OTOA: variants seen among roughly 807,000 people sequenced by gnomAD.
OTOA encodes the protein cancer/testis antigen 108.
Under a neutral mutation model 110.8 loss-of-function variants are expected in OTOA, and 70 were observed. The observed-to-expected ratio is 0.63, with a 90% CI of 0.52 to 0.77. The LOEUF (loss-of-function observed/expected upper bound fraction) is 0.77. OTOA is among the 30% of genes least tolerant of loss of function. The probability of loss-of-function intolerance (pLI) is 0.00; values close to 1 mark genes in which losing one functional copy is unlikely to be tolerated. For synonymous variants in OTOA, 373 were observed against 431.5 expected (o/e 0.86, Z 1.68); for missense variants, 917 against 1,075.8 (o/e 0.85, Z 2.06).
At chr16:21,699,372 A>G (rs1443872308) in intron 10 of OTOA, among the ~76,000 whole-genome samples, 1 of 152,210 alleles carries the variant, frequency 6.6e-6, no homozygotes, top group African/African-American at 2.4e-5. Flanking sequence ...GCCGTGGCCC[A>G]TGCCAGTAAT....
chr16:21,759,625 A>C (rs891023711), intron 28 of OTOA, among the ~76,000 whole-genome samples: 1 of 152,062 alleles, frequency 6.6e-6, no homozygotes, highest in African/African-American at 2.4e-5. Context: ...TGTTGGTCGG[A>C]TGTGGCAGCT....
intron 5 of OTOA, among the ~76,000 whole-genome samples, chr16:21,680,921 G>A (rs1025181223): frequency 6.6e-5 from 10 of 151,432 alleles, no homozygotes; most frequent in East Asian, 1.9e-4. Context: ...ACAGTCTTAC[G>A]CAATTTTCAT....
At chr16:21,692,934 A>AC (rs1555497698) in intron 9 of OTOA, among the ~76,000 whole-genome samples, 1 of 149,772 alleles carries the variant, frequency 6.7e-6, no homozygotes, top group Non-Finnish European at 1.5e-5. Context: ...TCTCAAAAAA[A>AC]AAAAAAAAAA....
chr16:21,726,610 A>C lies in OTOA; in HGVS notation c.1968A>C (p.Leu656Phe), dbSNP rs1303236898. ...LGKSWLDSLV[L>F]DSHKKTSVLR... ...AGAGCTGGTTGGACTCCTTGGTTTT[A>C]GATTCCCACAAAAAGACTTCAGTCC... The change falls in exon 19 of 29, where the codon TTA becomes TTC. Residue 656 changes from leucine to phenylalanine, a missense_variant. Around this residue, in one of 6 missense-constraint regions of OTOA, gnomAD observed 840 missense variants for 910.2 expected, o/e 0.92. Coordinates refer to ENST00000646100, the MANE Select transcript of OTOA (RefSeq NM_144672.4). The C allele has an allele frequency of 1.2e-6, 2 of 1,613,990 alleles. No homozygotes were observed. The highest frequency in any genetic ancestry group is 1.7e-6 in the Non-Finnish European group (2 of 1,179,988).
rs772216591 is a variant in OTOA at position 21,715,105 on chromosome 16, T to C, written c.1441T>C (p.Tyr481His). The change falls in exon 14 of 29, where the codon TAT becomes CAT. Residue 481 changes from tyrosine (Y) to histidine (H), a missense_variant. Tyr to His is a moderately conservative substitution (Grantham distance 83, BLOSUM62 2). This residue lies in a region of OTOA where 840 missense variants were observed against 910.2 expected (regional missense o/e 0.92). Transcript: ENST00000646100. ...GGTCCTGAGAAGTGCCGTCTCCCAG[T>C]ATGTATCCGACTTGTCACCTGCCCA... Reference protein sequence around the residue: ...SQVLRSAVSQYVSDLSPAQQQ... With the variant: ...SQVLRSAVSQHVSDLSPAQQQ... 5 of 1,614,060 alleles carry C rather than the reference T, an allele frequency of 3.1e-6. No homozygotes were observed. The Admixed American group carries it at 6.7e-5, about 22-fold the overall frequency.
intron 9 of OTOA, among the ~76,000 whole-genome samples, chr16:21,695,891 A>ATATATATATATATATTTTTTT (rs569493650): frequency 2.4e-5 from 1 of 41,904 alleles, no homozygotes; most frequent in African/African-American, 1.5e-4. Context: ...ATATATATAT[A>ATATATATATATATATTTTTTT]TTTTTTTTTT....
chr16:21,697,938 T>C (rs1166842360), intron 10 of OTOA, 63 bp downstream of exon 10: 3 of 1,385,148 alleles, frequency 2.2e-6, no homozygotes. Context: ...AGGTGTATTC[T>C]CAAACTCTAA....
chr16:21,709,813 T>C (rs1898299191), intron 12 of OTOA, 75 bp from the exon 13 acceptor site: 3 of 1,314,618 alleles, frequency 2.3e-6, no homozygotes, highest in East Asian at 2.3e-5. Context: ...GGAGTCCTAA[T>C]AGCCCTGGAT....
intron 23 of OTOA, among the ~76,000 whole-genome samples, chr16:21,743,651 TAA>T (rs1396011837): frequency 6.1e-5 from 9 of 148,550 alleles, no homozygotes; most frequent in Admixed American, 3.4e-4. Context: ...TAAATGGTGA[TAA>T]GTCTTTATAC....
chr16:21,681,496 T>C (rs956755085), intron 5 of OTOA, among the ~76,000 whole-genome samples: 4 of 151,782 alleles, frequency 2.6e-5, no homozygotes, highest in Non-Finnish European at 5.9e-5. Context: ...GGTTGGAAGA[T>C]CACTTGGGCT....
chr16:21,667,490 T>G (rs1444495539), intron 1 of OTOA, among the ~76,000 whole-genome samples: 1 of 151,524 alleles, frequency 6.6e-6, no homozygotes, highest in Admixed American at 6.6e-5. Flanking sequence ...CTGTCTCTAC[T>G]AAAAATACAA....
At chr16:21,705,507 A>G (rs1898145621) in intron 12 of OTOA, 6 of 713,330 alleles carry the variant, frequency 8.4e-6, no homozygotes, top group Non-Finnish European at 1.1e-5. Flanking sequence ...GGAGATCAAA[A>G]TTTAATCAGA....
chr16:21,674,443 C>A (rs879469307), intron 1 of OTOA, among the ~76,000 whole-genome samples: 16 of 152,132 alleles, frequency 1.1e-4, no homozygotes, highest in South Asian at 2.1e-4. Flanking sequence ...AAGCAATTCT[C>A]CTGCCTCAGC....
In OTOA at chr16:21,736,306, C is replaced by T. The variant is rs1567400223; in HGVS notation, c.2347C>T (p.Leu783=). 2 of 1,614,052 alleles carry T rather than the reference C, an allele frequency of 1.2e-6. No homozygotes were observed. Among genetic ancestry groups the T allele is most frequent in the Admixed American group, 1.7e-5 (1 of 59,996 alleles). The part of the protein sequence containing the change: ...LQAASKMART[L]PTKEFLWAVF... ...AGCAGCTTCCAAGATGGCCAGGACCCTGCCCACTAAAGAATTCCTCTGGGC... is the reference window on the plus strand; with the variant it reads ...AGCAGCTTCCAAGATGGCCAGGACCTTGCCCACTAAAGAATTCCTCTGGGC... Residue 783 remains leucine (L), a synonymous_variant, in exon 22 of 29, where the codon CTG becomes TTG. Coordinates refer to ENST00000646100, the MANE Select transcript of OTOA (RefSeq NM_144672.4).
chr16:21,719,611 G>C lies in OTOA; in HGVS notation c.1806+107G>C, dbSNP rs553420842. 31 of 1,100,244 alleles carry C rather than the reference G, an allele frequency of 2.8e-5. No individual in the cohort carries two copies. In the South Asian group the frequency reaches 3.1e-4, roughly 11 times the overall value. The allele number at this position is 1,100,244 out of a possible 1,614,324, so 68.2% of individuals were successfully genotyped here. A position where few individuals can be genotyped will look rare whatever the true frequency, so the allele number is the denominator to read the frequency against. On this transcript the variant is annotated intron_variant, in intron 17 of 28. Transcript: ENST00000646100. ...ATCTTTATGCCAGAATCATTCAGAC[G>C]CAAGTGATGACTTAGGGCCAAAGAT...
At chr16:21,707,638 TTTCTTTC>T (rs1162851972) in intron 12 of OTOA, among the ~76,000 whole-genome samples, 1 of 119,426 alleles carries the variant, frequency 8.4e-6, no homozygotes, top group African/African-American at 2.8e-5. Context: ...TCTTTCTTTC[TTTCTTTC>T]TTTCTTTCTT....
At chr16:21,666,903 G>A (rs186695518) in intron 1 of OTOA, among the ~76,000 whole-genome samples, 2 of 152,250 alleles carry the variant, frequency 1.3e-5, no homozygotes, top group East Asian at 1.9e-4. Context: ...AAAGCAAGGC[G>A]TCTGTTTCAG....
intron 11 of OTOA, among the ~76,000 whole-genome samples, chr16:21,702,089 A>G (rs1268599681): frequency 6.6e-6 from 1 of 151,592 alleles, no homozygotes; most frequent in Non-Finnish European, 1.5e-5. Context: ...AGCTGGGATT[A>G]CAGGCGTGTG....
chr16:21,733,764 TC>T (rs1337024997), intron 21 of OTOA, among the ~76,000 whole-genome samples: 1 of 151,678 alleles, frequency 6.6e-6, no homozygotes, highest in East Asian at 1.9e-4. Context: ...CTTCTTCACC[TC>T]CTTTTCATGA....
Sources: allele counts gnomAD v4.1 joint callset (sites outside exome capture counted in the v4.1 genomes callset), GRCh38; gene constraint gnomAD v4.1.1; regional missense constraint gnomAD v4.1.1; transcripts MANE v1.5; gene names NCBI Gene and HGNC (gene_info 2026-07-23, HGNC 2026-07-21).